The following CNTN4 variants were observed in gnomAD, a reference collection of about 807,000 sequenced individuals.
CNTN4 encodes the protein contactin 4.
Under a neutral mutation model 122.5 loss-of-function variants are expected in CNTN4, and 77 were observed. The ratio of observed to expected loss-of-function variants is 0.63; its 90% CI spans 0.52 to 0.76. CNTN4 has a LOEUF of 0.76. Among genes scored for constraint, CNTN4 ranks in the 30% least tolerant of loss-of-function variants. The pLI is 0.00. For missense variants in CNTN4, 1,256 were observed against 1,259.1 expected (o/e 1.00, Z 0.04); for synonymous variants, 512 against 447.0 (o/e 1.15, Z -1.83).
At chr3:2,794,530 G>A (rs970884411) in intron 6 of CNTN4, among the ~76,000 whole-genome samples, 3 of 152,186 alleles carry the variant, frequency 2.0e-5, no homozygotes, top group Admixed American at 6.5e-5. Flanking sequence ...ATAAGACAGT[G>A]GAGTAGAAGA....
At chr3:3,045,153 G>A (rs1419650508) in intron 23 of CNTN4, among the ~76,000 whole-genome samples, 1 of 152,214 alleles carries the variant, frequency 6.6e-6, no homozygotes, top group Non-Finnish European at 1.5e-5. Flanking sequence ...CAAACTGGGT[G>A]GAGCCCACTG....
chr3:2,671,158 A>C (rs1265035370), intron 4 of CNTN4, among the ~76,000 whole-genome samples: 1 of 152,096 alleles, frequency 6.6e-6, no homozygotes, highest in Non-Finnish European at 1.5e-5. Context: ...AGATTGGGGA[A>C]GTTCTGGATA....
chr3:2,576,883 G>C (rs1271295956), intron 4 of CNTN4, among the ~76,000 whole-genome samples: 1 of 152,022 alleles, frequency 6.6e-6, no homozygotes. Flanking sequence ...CTATAGCTGG[G>C]GTAGAACTGT....
chr3:2,368,848 A>C (rs1285069611), intron 3 of CNTN4, among the ~76,000 whole-genome samples: 1 of 152,192 alleles, frequency 6.6e-6, no homozygotes, highest in African/African-American at 2.4e-5. Flanking sequence ...ATGATAACGT[A>C]AAATTGGATG....
chr3:2,670,501 T>C (rs1183018512), intron 4 of CNTN4, among the ~76,000 whole-genome samples: 1 of 152,162 alleles, frequency 6.6e-6, no homozygotes, highest in East Asian at 1.9e-4. Context: ...GCACGTGGGA[T>C]GGGTTTCCTA....
intron 3 of CNTN4, among the ~76,000 whole-genome samples, chr3:2,391,761 A>G (rs533092279): frequency 6.8e-6 from 1 of 146,766 alleles, no homozygotes; most frequent in South Asian, 2.2e-4. Context: ...CTTCTCCCAT[A>G]AACTTTTGAG....
chr3:2,783,782 AATATC>A (rs1260012332), intron 6 of CNTN4, among the ~76,000 whole-genome samples: 1 of 152,194 alleles, frequency 6.6e-6, no homozygotes, highest in Non-Finnish European at 1.5e-5. Context: ...GGCATTTTGA[AATATC>A]ATTTGATCAC....
chr3:2,955,281 A>G (rs1341412633), intron 13 of CNTN4, among the ~76,000 whole-genome samples: 1 of 152,204 alleles, frequency 6.6e-6, no homozygotes, highest in African/African-American at 2.4e-5. Context: ...GCTAAAGTGC[A>G]CCTAAATCTT....
intron 4 of CNTN4, among the ~76,000 whole-genome samples, chr3:2,584,376 A>G (rs17622206): frequency 0.14 from 21,219 of 151,980 alleles, 1,890 homozygotes; most frequent in Non-Finnish European, 0.21. Context: ...GTCAAAAGTG[A>G]TTGTGTTTAG....
chr3:3,034,606 A>T, intron 16 of CNTN4, 26 bp from the exon 17 acceptor site: 1 of 1,613,758 alleles, frequency 6.2e-7, no homozygotes, highest in Non-Finnish European at 8.5e-7. Flanking sequence ...CACTGCTCCA[A>T]TTCTGGGGGT....
Position 2,902,158 on chromosome 3 carries a change from A to G in CNTN4, c.1078-718A>G, listed in dbSNP as rs183295917. Among the ~76,000 whole-genome samples, 54 of 152,268 alleles carry G rather than the reference A, an allele frequency of 3.5e-4. 1 individual carries two copies. The highest frequency in any genetic ancestry group is 4.8e-5 in the African/African-American group (2 of 41,572). ...GCAAACAGAAAACTAGTACCTCTTT[A>G]TATATATGTAGAATGGCAGGTCTCC... On this transcript the variant is annotated intron_variant, in intron 11 of 24. Transcript: ENST00000418658.
intron 2 of CNTN4, among the ~76,000 whole-genome samples, chr3:2,167,362 A>G (rs538776066): frequency 1.3e-5 from 2 of 152,318 alleles, no homozygotes; most frequent in African/African-American, 2.4e-5. Flanking sequence ...GTAACGTGTA[A>G]CAATACCATT....
At chr3:2,566,784 A>T (rs951886826) in intron 3 of CNTN4, among the ~76,000 whole-genome samples, 4 of 152,188 alleles carry the variant, frequency 2.6e-5, no homozygotes, top group African/African-American at 9.6e-5. Context: ...TCCCAAAGTG[A>T]GGTAATTTGT....
intron 2 of CNTN4, among the ~76,000 whole-genome samples, chr3:2,108,545 G>GGA (rs1355635277): frequency 1.3e-5 from 2 of 152,072 alleles, no homozygotes; most frequent in African/African-American, 4.8e-5. Flanking sequence ...TCGGTGCAAT[G>GGA]GAATTTCATT....
intron 2 of CNTN4, among the ~76,000 whole-genome samples, chr3:2,111,789 G>C (rs986365116): frequency 6.6e-6 from 1 of 151,998 alleles, no homozygotes; most frequent in South Asian, 2.1e-4. Flanking sequence ...ACATAGCCTT[G>C]TGCCAGGAAT....
At chr3:2,524,147 C>G (rs1011073431) in intron 3 of CNTN4, among the ~76,000 whole-genome samples, 3 of 152,000 alleles carry the variant, frequency 2.0e-5, no homozygotes, top group Non-Finnish European at 4.4e-5. Context: ...ACAGTCGCTT[C>G]CCATTTCTCC....
Position 2,170,299 on chromosome 3 carries a change from GAC to G in CNTN4, c.-145+69665_-145+69666del, listed in dbSNP as rs372336543. On this transcript the variant is annotated intron_variant, in intron 2 of 24. Transcript: ENST00000418658. ...CGCGCCACCGCACTCCAGCCTGGGC[GAC>G]ACACCAAGACTCCGTCTCAAAACAA... Among the ~76,000 whole-genome samples, 325 of 151,970 alleles carry G rather than the reference GAC, an allele frequency of 2.1e-3. 2 individuals carry two copies. Among genetic ancestry groups the G allele is most frequent in the Middle Eastern group, 0.017 (5 of 294 alleles).
At chr3:2,170,109 C>T (rs1381642063) in intron 2 of CNTN4, among the ~76,000 whole-genome samples, 1 of 151,836 alleles carries the variant, frequency 6.6e-6, no homozygotes, top group African/African-American at 2.4e-5. Flanking sequence ...ATCACAAGGT[C>T]AGGAGATCGA....
chr3:2,395,886 C>CT (rs1415184001), intron 3 of CNTN4, among the ~76,000 whole-genome samples: 1 of 152,128 alleles, frequency 6.6e-6, no homozygotes, highest in Non-Finnish European at 1.5e-5. Context: ...GATTATCAAG[C>CT]TGTATGGCTT....
Sources: gnomAD v4.1 joint callset for allele counts (sites outside exome capture counted in the v4.1 genomes callset) on GRCh38, gnomAD v4.1.1 for gene constraint, MANE v1.5 for transcripts, NCBI Gene and HGNC (gene_info 2026-07-23, HGNC 2026-07-21) for gene names.